TK1: variants seen among roughly 807,000 people sequenced by gnomAD.
The protein encoded by TK1 is thymidine kinase, cytosolic.
A neutral mutation model predicts 22.4 loss-of-function variants in TK1; 13 were observed. That is an observed-to-expected ratio of 0.58 (90% CI 0.38 to 0.92). TK1 has a LOEUF of 0.92. Ranked by LOEUF, TK1 falls within the 40% of genes least tolerant of loss-of-function variation. The pLI is 0.00. For missense variants in TK1, 251 were observed against 315.7 expected (o/e 0.80, Z 1.55); for synonymous variants, 134 against 125.4 (o/e 1.07, Z -0.46).
chr17:78,177,404 A>G (rs1347728641), intron 4 of TK1, among the ~76,000 whole-genome samples: 1 of 152,220 alleles, frequency 6.6e-6, no homozygotes, highest in Non-Finnish European at 1.5e-5. Context: ...TATAAAACAT[A>G]AATGGATTTT....
intron 4 of TK1, among the ~76,000 whole-genome samples, chr17:78,176,857 C>G (rs1161612231): frequency 6.6e-6 from 1 of 152,108 alleles, no homozygotes; most frequent in Non-Finnish European, 1.5e-5. Context: ...ACACCTCCCA[C>G]CCCCCAGCTG....
At chr17:78,186,428 T>C (rs2075794746) in intron 2 of TK1, among the ~76,000 whole-genome samples, 1 of 151,214 alleles carries the variant, frequency 6.6e-6, no homozygotes, top group Non-Finnish European at 1.5e-5. Context: ...TGAATAGGGG[T>C]GTACAAAAAG....
At chr17:78,181,979 A>G (rs1258983190) in intron 4 of TK1, among the ~76,000 whole-genome samples, 1 of 151,016 alleles carries the variant, frequency 6.6e-6, no homozygotes, top group African/African-American at 2.4e-5. Context: ...TGAGTCTCCA[A>G]CTCCTGGGCT....
Position 78,175,123 on chromosome 17 carries a change from A to G in TK1, c.440T>C (p.Val147Ala). The change falls in exon 6 of 7, where the codon GTG becomes GCG. Residue 147 changes from valine (V) to alanine (A), a missense_variant. Transcript: ENST00000301634. ...LNLVPLAESV[V>A]KLTAVCMECF... ...CTCCATGCACACCGCCGTCAGCTTC[A>G]CCACGCTCTCGGCCAGCGGCACCAG... 6.2e-7 allele frequency: 1 copy of G among 1,613,102 alleles called. No individual in the cohort carries two copies. Among genetic ancestry groups the G allele is most frequent in the African/African-American group, 1.3e-5 (1 of 74,776 alleles).
At chr17:78,186,660 A>C in intron 2 of TK1, 127 bp downstream of exon 2, 13 of 814,264 alleles carry the variant, frequency 1.6e-5, no homozygotes, top group Non-Finnish European at 2.1e-5. Context: ...TGGTCCTTCT[A>C]GGGGAAGGGA....
chr17:78,187,203 GC>G, upstream of TK1: 1 of 869,700 alleles, frequency 1.1e-6, no homozygotes, highest in Non-Finnish European at 1.8e-6. Context: ...CGGGACGTGC[GC>G]CCAGGGACTG....
intron 4 of TK1, among the ~76,000 whole-genome samples, chr17:78,177,395 A>G (rs577920593): frequency 6.6e-6 from 1 of 152,348 alleles, no homozygotes; most frequent in South Asian, 2.1e-4. Flanking sequence ...TAAGATGTCT[A>G]TAAAACATAA....
upstream of TK1, chr17:78,187,072 G>A (rs761133660): frequency 1.2e-5 from 17 of 1,461,400 alleles, no homozygotes; most frequent in African/African-American, 1.4e-4. Context: ...CGCGCCGACC[G>A]CTTTAAACCA....
intron 3 of TK1, 32 bp downstream of exon 3, chr17:78,185,023 A>G (rs752443064): frequency 1.3e-6 from 2 of 1,562,248 alleles, no homozygotes; most frequent in East Asian, 4.5e-5. Flanking sequence ...GTGATTTTCC[A>G]CTGGACAGGA....
In TK1 at chr17:78,186,916, C is replaced by G; in HGVS notation, c.66+13G>C. ...ACCTCATCCCCAGCCACGCGCAGGG[C>G]TGGCCCCCGCACCTGGATCTGCCCC... On this transcript the variant is annotated intron_variant, in intron 1 of 6. Transcript: ENST00000301634. The G allele has an allele frequency of 6.4e-7, 1 of 1,566,486 alleles. No individual in the cohort carries two copies. Among genetic ancestry groups the G allele is most frequent in the Non-Finnish European group, 8.7e-7 (1 of 1,155,948 alleles).
intron 2 of TK1, among the ~76,000 whole-genome samples, chr17:78,185,402 G>A (rs2075775550): frequency 6.6e-6 from 1 of 152,180 alleles, no homozygotes; most frequent in Non-Finnish European, 1.5e-5. Flanking sequence ...CCCAGGAAGT[G>A]TGGGAGGAGT....
At position 78,174,685 on chromosome 17, in the gene TK1, G is replaced by A. The variant is rs925848599; in HGVS notation, c.*74C>T. 2 of 1,472,636 alleles carry A rather than the reference G, an allele frequency of 1.4e-6. No homozygotes were observed. The highest frequency in any genetic ancestry group is 4.6e-5 in the Admixed American group (2 of 43,026). The allele number at this position is 1,472,636 out of a possible 1,614,324, so 91.2% of individuals were successfully genotyped here. A position where few individuals can be genotyped will look rare whatever the true frequency, so the allele number is the denominator to read the frequency against. On this transcript the variant is annotated 3_prime_UTR_variant, in exon 7 of 7. Transcript: ENST00000301634. ...ACGCCTCCCGACTTCCTCCTGGAGT[G>A]GCTGGGCAGCATGCAGGGCAGCGTC...
In TK1 at chr17:78,175,082, C is replaced by A. The variant is rs199970954; in HGVS notation, c.481G>T (p.Ala161Ser). 6.2e-7 allele frequency: 1 copy of A among 1,613,568 alleles called. No homozygotes were observed. The highest frequency in any genetic ancestry group is 1.3e-5 in the African/African-American group (1 of 74,982). ...AVCMECFREA[A>S]YTKRLGTEKE... is the part of the protein sequence containing the mutation. ...TCTGTGCCGAGCCTCTTGGTATAGGCGGCTTCCCGGAAGCACTCCATGCAC... is the reference window on the plus strand; with the variant it reads ...TCTGTGCCGAGCCTCTTGGTATAGGAGGCTTCCCGGAAGCACTCCATGCAC... The change falls in exon 6 of 7, where the codon GCC becomes TCC. Residue 161 changes from alanine to serine, a missense_variant. Transcript: ENST00000301634.
intron 2 of TK1, 61 bp downstream of exon 2, chr17:78,186,726 C>T: frequency 2.1e-6 from 3 of 1,440,486 alleles, no homozygotes; most frequent in South Asian, 1.3e-5. Context: ...AGGGGAGGGA[C>T]GGGACAAGGG....
chr17:78,186,522 C>A (rs984124945), intron 2 of TK1, among the ~76,000 whole-genome samples: 3 of 151,874 alleles, frequency 2.0e-5, no homozygotes, highest in African/African-American at 4.8e-5. Flanking sequence ...GCAGCTGTCA[C>A]CAGCTCCAGG....
chr17:78,175,397 C>G, intron 5 of TK1, 132 bp downstream of exon 5: 1 of 1,103,882 alleles, frequency 9.1e-7, no homozygotes, highest in East Asian at 2.5e-5. Context: ...TTGGCTCAGC[C>G]AAGGCCTGAG....
chr17:78,182,829 A>G, intron 3 of TK1, 147 bp from the exon 4 acceptor site: 1 of 485,408 alleles, frequency 2.1e-6, no homozygotes, highest in Non-Finnish European at 3.5e-6. Flanking sequence ...GTTAGCACCT[A>G]TGGGAAAGGC....
intron 5 of TK1, 126 bp from the exon 6 acceptor site, chr17:78,175,295 C>T: frequency 2.2e-6 from 3 of 1,333,338 alleles, no homozygotes; most frequent in Non-Finnish European, 3.0e-6. Flanking sequence ...TTCCCCCAAC[C>T]CCCAGAGCAC....
chr17:78,185,024 C>T (rs757531907), intron 3 of TK1, 31 bp downstream of exon 3: 5 of 1,565,274 alleles, frequency 3.2e-6, no homozygotes, highest in Non-Finnish European at 4.4e-6. Flanking sequence ...TGATTTTCCA[C>T]TGGACAGGAC....
Sources: gnomAD v4.1 joint callset for allele counts (sites outside exome capture counted in the v4.1 genomes callset) on GRCh38, gnomAD v4.1.1 for gene constraint, MANE v1.5 for transcripts, NCBI Gene and HGNC (gene_info 2026-07-23, HGNC 2026-07-21) for gene names.